The following HSD3B2 variants were observed in gnomAD, a reference collection of about 807,000 sequenced individuals.
HSD3B2 encodes 3 beta-hydroxysteroid dehydrogenase/Delta 5-->4-isomerase type 2.
A neutral mutation model predicts 9.9 loss-of-function variants in HSD3B2; 8 were observed. The observed-to-expected ratio is 0.81, with a 90% CI of 0.47 to 1.46. The LOEUF is 1.46. Among genes scored for constraint, HSD3B2 ranks in the 40% most tolerant of loss-of-function variants. HSD3B2 has a pLI of 0.00. For synonymous variants in HSD3B2, 221 were observed against 184.5 expected (o/e 1.20, Z -1.60); for missense variants, 410 against 448.3 (o/e 0.91, Z 0.77).
Position 119,422,309 on chromosome 1 carries a change from A to T in HSD3B2, c.808A>T (p.Ile270Phe), listed in dbSNP as rs746851162. The T allele has an allele frequency of 1.2e-6, 2 of 1,613,962 alleles. No individual in the cohort carries two copies. Among genetic ancestry groups the T allele is most frequent in the Non-Finnish European group, 1.7e-6 (2 of 1,180,012 alleles). Residue 270 changes from isoleucine to phenylalanine, a missense_variant, in exon 4 of 4, where the codon ATC becomes TTC. By Grantham distance (21) the Ile-to-Phe change is conservative. Coordinates refer to ENST00000369416, the MANE Select transcript of HSD3B2 (RefSeq NM_000198.4). ...CCAAAGCTATGATAACCTTAATTAC[A>T]TCCTGAGCAAAGAGTTTGGCCTCCG... ...PHQSYDNLNY[I>F]LSKEFGLRLD...
rs141612147 is a variant in HSD3B2 at position 119,420,177 on chromosome 1, C to T, written c.307+595C>T. Among the ~76,000 whole-genome samples the T allele has an allele frequency of 2.8e-3, 420 of 152,330 alleles. 1 individual carries two copies. Among genetic ancestry groups the T allele is most frequent in the Middle Eastern group, 0.01 (3 of 294 alleles). On this transcript the variant is annotated intron_variant, in intron 3 of 3. Coordinates refer to ENST00000369416, the MANE Select transcript of HSD3B2 (RefSeq NM_000198.4). ...TTTCCCAGTGTCCAGAATACAATCT[C>T]TTCAGCTCACCACAGGGTCTACTAT...
At chr1:119,418,091 T>C (rs1484924006) in intron 2 of HSD3B2, among the ~76,000 whole-genome samples, 1 of 152,198 alleles carries the variant, frequency 6.6e-6, no homozygotes, top group Non-Finnish European at 1.5e-5. Flanking sequence ...TAATTCCAGG[T>C]GACAACTTTA....
intron 2 of HSD3B2, among the ~76,000 whole-genome samples, chr1:119,417,727 C>T (rs975473230): frequency 2.6e-5 from 4 of 152,178 alleles, no homozygotes; most frequent in East Asian, 1.9e-4. Context: ...TTCTGAATTT[C>T]GCTCTCACTG....
At position 119,415,470 on chromosome 1, in the gene HSD3B2, G is replaced by A. The variant is rs757957605; in HGVS notation, c.51G>A (p.Arg17=). The change falls in exon 2 of 4, where the codon AGG becomes AGA. Residue 17 remains arginine, a synonymous_variant. Transcript: ENST00000369416. Reference sequence around the variant, plus strand: ...GAGCAGGAGGGCTTCTGGGTCAGAGGATCGTCCGCCTGTTGGTGGAAGAGA... The same window carrying A: ...GAGCAGGAGGGCTTCTGGGTCAGAGAATCGTCCGCCTGTTGGTGGAAGAGA... ...VTGAGGLLGQ[R]IVRLLVEEKE... The A allele has an allele frequency of 4.2e-5, 67 of 1,613,856 alleles. No individual in the cohort carries two copies. In the South Asian group the frequency reaches 7.2e-4, roughly 17 times the overall value.
At chr1:119,415,596 T>A in intron 2 of HSD3B2, 35 bp downstream of exon 2, 1 of 1,610,670 alleles carries the variant, frequency 6.2e-7, no homozygotes, top group Non-Finnish European at 8.5e-7. Flanking sequence ...TGTGGCTCCA[T>A]CTTAAACTCT....
At chr1:119,416,465 CAT>C (rs1241362291) in intron 2 of HSD3B2, among the ~76,000 whole-genome samples, 1 of 152,184 alleles carries the variant, frequency 6.6e-6, no homozygotes, top group Non-Finnish European at 1.5e-5. Flanking sequence ...GTTCCAGAAA[CAT>C]AAAGTTACTT....
rs767793086 is a variant in HSD3B2, at chr1:119,415,529, C to G, written c.110C>G (p.Ala37Gly). The change falls in exon 2 of 4, where the codon GCC becomes GGC. Residue 37 changes from alanine to glycine, a missense_variant. Physicochemically the swap from Ala to Gly is moderately conservative, Grantham distance 60 (BLOSUM62 0). Coordinates refer to ENST00000369416, the MANE Select transcript of HSD3B2 (RefSeq NM_000198.4). ...ELKEIRALDKAFRPELREEFS... is the reference protein window; with the variant it reads ...ELKEIRALDKGFRPELREEFS... ...AAGGAGATCAGGGCCTTGGACAAGG[C>G]CTTCAGACCAGAATTGAGAGAGGAA... The G allele has an allele frequency of 2.3e-5, 37 of 1,613,754 alleles. No individual in the cohort carries two copies. The highest frequency in any genetic ancestry group is 3.1e-5 in the Non-Finnish European group (37 of 1,179,874).
intron 2 of HSD3B2, among the ~76,000 whole-genome samples, chr1:119,416,809 CAT>C (rs992105993): frequency 5.5e-4 from 84 of 152,336 alleles, no homozygotes; most frequent in African/African-American, 2.0e-3. Flanking sequence ...GATATTAACA[CAT>C]GACTGATATT....
intron 2 of HSD3B2, 22 bp from the exon 3 acceptor site, chr1:119,419,396 G>C: frequency 6.2e-7 from 1 of 1,613,290 alleles, no homozygotes; most frequent in Non-Finnish European, 8.5e-7. Flanking sequence ...TCTTTCCAAT[G>C]ACCTGACCTG....
chr1:119,418,020 G>A (rs587694859), intron 2 of HSD3B2, among the ~76,000 whole-genome samples: 1 of 152,240 alleles, frequency 6.6e-6, no homozygotes, highest in Non-Finnish European at 1.5e-5. Flanking sequence ...AGATTATAAA[G>A]CACAAATGAG....
At chr1:119,418,350 G>T (rs1238406155) in intron 2 of HSD3B2, among the ~76,000 whole-genome samples, 1 of 152,146 alleles carries the variant, frequency 6.6e-6, no homozygotes, top group Non-Finnish European at 1.5e-5. Flanking sequence ...AAACTGTAAG[G>T]GTGATTTTGT....
At position 119,415,340 on chromosome 1, in the gene HSD3B2, G is replaced by T; in HGVS notation, c.-80G>T. On this transcript the variant is annotated 5_prime_UTR_variant, in exon 2 of 4. Transcript: ENST00000369416. ...TACCTCTTGTTTTTAGCCCTCTTCT[G>T]GGTCACGCTAGAATCAGATCTGCTC... 1 of 1,473,306 alleles carries T rather than the reference G, an allele frequency of 6.8e-7. No homozygotes were observed. The highest frequency in any genetic ancestry group is 9.5e-7 in the Non-Finnish European group (1 of 1,054,196). The allele number at this position is 1,473,306 out of a possible 1,614,324, so 91.3% of individuals were successfully genotyped here. A position where few individuals can be genotyped will look rare whatever the true frequency, so the allele number is the denominator to read the frequency against.
In HSD3B2 at chr1:119,419,525, A is replaced by G. The variant is rs745820487; in HGVS notation, c.250A>G (p.Ile84Val). The G allele has an allele frequency of 6.2e-6, 10 of 1,613,794 alleles. No homozygotes were observed. Among genetic ancestry groups the G allele is most frequent in the Non-Finnish European group, 8.5e-6 (10 of 1,179,834 alleles). The change falls in exon 3 of 4, where the codon ATC becomes GTC. Residue 84 changes from isoleucine to valine, a missense_variant. By Grantham distance (29) the Ile-to-Val change is conservative. Transcript: ENST00000369416. ...DVSVVIHTAC[I>V]IDVFGVTHRE... The stretch of plus-strand genomic sequence containing the variant: ...CTCGGTCGTCATCCACACCGCCTGT[A>G]TCATTGATGTCTTTGGTGTCACTCA...
intron 2 of HSD3B2, among the ~76,000 whole-genome samples, chr1:119,418,630 CTAT>C (rs5777392): frequency 0.11 from 13,704 of 123,664 alleles, 656 homozygotes; most frequent in African/African-American, 0.17. Context: ...ATTATTATTA[CTAT>C]TATTATTATT....
Position 119,419,553 on chromosome 1 carries a change from G to A in HSD3B2, c.278G>A (p.Arg93Lys). ...ATTGATGTCTTTGGTGTCACTCACAGAGAGTCCATCATGAATGTCAATGTG... is the reference window on the plus strand; with the variant it reads ...ATTGATGTCTTTGGTGTCACTCACAAAGAGTCCATCATGAATGTCAATGTG... ...CIIDVFGVTH[R>K]ESIMNVNVKG... Residue 93 changes from arginine (R) to lysine (K), a missense_variant, in exon 3 of 4, where the codon AGA becomes AAA. Arg to Lys is a conservative substitution (Grantham distance 26, BLOSUM62 2). Coordinates refer to ENST00000369416, the MANE Select transcript of HSD3B2 (RefSeq NM_000198.4). 1 of 1,613,944 alleles carries A rather than the reference G, an allele frequency of 6.2e-7. No homozygotes were observed.
intron 2 of HSD3B2, among the ~76,000 whole-genome samples, chr1:119,418,613 A>G (rs1651771490): frequency 2.2e-5 from 3 of 136,970 alleles, no homozygotes; most frequent in African/African-American, 8.5e-5. Flanking sequence ...GCGTCTGTTT[A>G]TCTTTTATTA....
rs1325999437 is a variant in HSD3B2 at position 119,419,900 on chromosome 1, T to C, written c.307+318T>C. The C allele has an allele frequency of 1.1e-5, 4 of 359,982 alleles. No homozygotes were observed. The Admixed American group carries it at 1.2e-4, about 11-fold the overall frequency. 22.3% of individuals were successfully genotyped at this position (359,982 alleles called of 1,614,324 possible). Reference sequence around the variant, plus strand: ...TTTCTACTGTGGCCCCAATCAAAAGTCAACTAAACTCCAACTTCAAATTCA... The same window carrying C: ...TTTCTACTGTGGCCCCAATCAAAAGCCAACTAAACTCCAACTTCAAATTCA... On this transcript the variant is annotated intron_variant, in intron 3 of 3. Coordinates refer to ENST00000369416, the MANE Select transcript of HSD3B2 (RefSeq NM_000198.4).
chr1:119,416,670 G>C (rs1651721721), intron 2 of HSD3B2, among the ~76,000 whole-genome samples: 1 of 152,138 alleles, frequency 6.6e-6, no homozygotes, highest in Admixed American at 6.5e-5. Context: ...TCTTCATGCA[G>C]GTTCTGGCTG....
At chr1:119,418,754 C>G (rs1651780040) in intron 2 of HSD3B2, among the ~76,000 whole-genome samples, 1 of 151,718 alleles carries the variant, frequency 6.6e-6, no homozygotes. Flanking sequence ...CAGACTCCAT[C>G]CTTCCTCCTG....
Sources: gnomAD v4.1 joint callset for allele counts (sites outside exome capture counted in the v4.1 genomes callset) on GRCh38, gnomAD v4.1.1 for gene constraint, MANE v1.5 for transcripts, NCBI Gene and HGNC (gene_info 2026-07-23, HGNC 2026-07-21) for gene names.